IRGC: variants seen among roughly 807,000 people sequenced by gnomAD.
IRGC encodes the protein interferon-inducible GTPase 5.
Under a neutral mutation model 16.1 loss-of-function variants are expected in IRGC, and 4 were observed. That is an observed-to-expected ratio of 0.25 (90% confidence interval 0.12 to 0.57). IRGC has a LOEUF of 0.57. IRGC is among the 20% of genes least tolerant of loss of function. IRGC has a pLI of 0.92. For missense variants in IRGC, 570 were observed against 643.9 expected (o/e 0.89, Z 1.24); for synonymous variants, 307 against 299.5 (o/e 1.03, Z -0.26).
chr19:43,716,540 G>A (rs959893278), intron 1 of IRGC, among the ~76,000 whole-genome samples: 1 of 152,128 alleles, frequency 6.6e-6, no homozygotes, highest in African/African-American at 2.4e-5. Flanking sequence ...GTTTCACCAT[G>A]TTGGCCAGGC....
Sources: gnomAD v4.1 joint callset for allele counts (sites outside exome capture counted in the v4.1 genomes callset) on GRCh38, gnomAD v4.1.1 for gene constraint, MANE v1.5 for transcripts, NCBI Gene and HGNC (gene_info 2026-07-23, HGNC 2026-07-21) for gene names.